The following GLB1L2 variants were observed in gnomAD, a reference collection of about 807,000 sequenced individuals.
The protein encoded by GLB1L2 is beta-galactosidase-1-like protein 2.
GLB1L2 carries 68 observed loss-of-function variants against 84.1 expected under a neutral mutation model. The observed-to-expected ratio is 0.81, with a 90% CI of 0.67 to 0.99. The LOEUF is 0.99. Ranked by LOEUF, GLB1L2 falls within the 50% of genes least tolerant of loss-of-function variation. The probability of loss-of-function intolerance (pLI) is 0.00; values close to 1 mark genes in which losing one functional copy is unlikely to be tolerated. For missense variants in GLB1L2, 762 were observed against 805.6 expected, an observed-to-expected ratio of 0.95 and a Z score of 0.66; for synonymous variants, 290 against 318.0, an observed-to-expected ratio of 0.91 and a Z score of 0.94.
At position 134,332,160 on chromosome 11, in the gene GLB1L2, T is replaced by C. The variant is rs1324502054; in HGVS notation, c.86+13T>C. The C allele has an allele frequency of 2.0e-6, 3 of 1,527,522 alleles. No individual in the cohort carries two copies. The highest frequency in any genetic ancestry group is 2.0e-5 in the Admixed American group (1 of 50,260). The allele number at this position is 1,527,522 out of a possible 1,614,324, so 94.6% of individuals were successfully genotyped here. A position where few individuals can be genotyped will look rare whatever the true frequency, so the allele number is the denominator to read the frequency against. On this transcript the variant is annotated intron_variant, in intron 1 of 18. Coordinates refer to ENST00000535456, the MANE Select transcript of GLB1L2 (RefSeq NM_001370461.1). ...TGGTGCTCCGCAGGTGAGAGAGAGC[T>C]TCGCGCAGCACCTGCCGGACCCCAC...
chr11:134,373,916 G>A (rs909072047), intron 16 of GLB1L2, 108 bp downstream of exon 16: 3 of 844,312 alleles, frequency 3.6e-6, no homozygotes, highest in South Asian at 3.2e-5. Context: ...AGGTGTGAAC[G>A]CCTCCAGGGG....
rs765187098 is a variant in GLB1L2, at chr11:134,332,012, G to T, written c.-50G>T. 7.5e-6 allele frequency: 10 copies of T among 1,328,024 alleles called. No individual in the cohort carries two copies. Among genetic ancestry groups the T allele is most frequent in the Non-Finnish European group, 1.0e-5 (10 of 970,074 alleles). The allele number at this position is 1,328,024 out of a possible 1,614,324, so 82.3% of individuals were successfully genotyped here. A position where few individuals can be genotyped will look rare whatever the true frequency, so the allele number is the denominator to read the frequency against. ...CGCGGCGAGGCTCCCGCGCGCGGCT[G>T]AGTGCGGACTGGAGTGGGAACCCGG... On this transcript the variant is annotated 5_prime_UTR_variant, in exon 1 of 19. Coordinates refer to ENST00000535456, the MANE Select transcript of GLB1L2 (RefSeq NM_001370461.1).
At chr11:134,373,178 GA>G (rs2136290969) in intron 15 of GLB1L2, among the ~76,000 whole-genome samples, 1 of 152,332 alleles carries the variant, frequency 6.6e-6, no homozygotes, top group African/African-American at 2.4e-5. Flanking sequence ...TCTGTAATCT[GA>G]GACTGGCAGG....
rs1028968798 is a variant in GLB1L2 at position 134,362,710 on chromosome 11, C to T, written c.734-1618C>T. ...CCCTCCCCTCCACCTGCCACACACG[C>T]CCACTCCCGCAGCAGCTCGGGCCCA... On this transcript the variant is annotated intron_variant, in intron 7 of 18. Transcript: ENST00000535456. 4.6e-5 allele frequency among the ~76,000 whole-genome samples: 7 copies of T among 152,352 alleles called. No homozygotes were observed. The South Asian group carries it at 1.0e-3, about 23-fold the overall frequency.
chr11:134,337,002 T>C (rs986661728), intron 1 of GLB1L2, among the ~76,000 whole-genome samples: 4 of 152,310 alleles, frequency 2.6e-5, no homozygotes, highest in Middle Eastern at 3.4e-3. Flanking sequence ...ATTGTTGTTA[T>C]ATGGTTGATT....
intron 5 of GLB1L2, among the ~76,000 whole-genome samples, chr11:134,354,535 G>GT (rs1013913334): frequency 3.3e-5 from 5 of 151,376 alleles, no homozygotes; most frequent in African/African-American, 9.7e-5. Context: ...AACTTTAGGT[G>GT]TTTTTTTTCT....
chr11:134,344,517 G>GT (rs1943517470), intron 3 of GLB1L2, 62 bp downstream of exon 3: 1 of 1,577,844 alleles, frequency 6.3e-7, no homozygotes, highest in East Asian at 2.2e-5. Flanking sequence ...GGCTACTGGG[G>GT]TGGATTAGCA....
chr11:134,357,199 G>A (rs1395033588), intron 6 of GLB1L2, among the ~76,000 whole-genome samples: 2 of 152,236 alleles, frequency 1.3e-5, no homozygotes, highest in Admixed American at 6.5e-5. Context: ...AAGGCCGGAC[G>A]GCTTTGGGCC....
At chr11:134,364,633 G>A in intron 8 of GLB1L2, 1 of 514,140 alleles carries the variant, frequency 1.9e-6, no homozygotes. Flanking sequence ...CTGAGAGAGG[G>A]GCCCTTTTGG....
rs1415303429 is a variant in GLB1L2 at position 134,370,673 on chromosome 11, C to T, written c.1215+274C>T. Among the ~76,000 whole-genome samples the T allele has an allele frequency of 6.6e-6, 1 of 152,062 alleles. No homozygotes were observed. Among genetic ancestry groups the T allele is most frequent in the East Asian group, 1.9e-4 (1 of 5,164 alleles). ...GAGGTCCCTGAGGAACAGCGGCTGG[C>T]CCCGTGGGCCTTTCCTTCCTCCAGC... On this transcript the variant is annotated intron_variant, in intron 12 of 18. Coordinates refer to ENST00000535456, the MANE Select transcript of GLB1L2 (RefSeq NM_001370461.1). This position sits in a 1 kb window ranked among gnomAD's most constrained non-coding sequence, Gnocchi z 4.7.
rs1457680606 is a variant in GLB1L2, at chr11:134,375,115, G to A, written c.*57G>A. 1 of 1,423,402 alleles carries A rather than the reference G, an allele frequency of 7.0e-7. No individual in the cohort carries two copies. The highest frequency in any genetic ancestry group is 2.3e-5 in the East Asian group (1 of 42,604). 88.2% of individuals were successfully genotyped at this position (1,423,402 alleles called of 1,614,324 possible). A position where few individuals can be genotyped will look rare whatever the true frequency, so the allele number is the denominator to read the frequency against. On this transcript the variant is annotated 3_prime_UTR_variant, in exon 19 of 19. Coordinates refer to ENST00000535456, the MANE Select transcript of GLB1L2 (RefSeq NM_001370461.1). ...GGAGACTGCCGCCTCCTCTTGACCT[G>A]AAGCCTGGTGGCTGCTGCCCCACCC... is the stretch of plus-strand genomic sequence containing the variant.
At position 134,367,289 on chromosome 11, in the gene GLB1L2, G is replaced by T; in HGVS notation, c.837G>T (p.Trp279Cys). 1 of 1,614,168 alleles carries T rather than the reference G, an allele frequency of 6.2e-7. No homozygotes were observed. The highest frequency in any genetic ancestry group is 1.1e-5 in the South Asian group (1 of 91,076). ...GTQPKMVMEY[W>C]TGWFDSWGGP... ...AGCCCAAGATGGTGATGGAGTACTGGACGGGGTGGTTTGACTCGTGGGGAG... is the reference window on the plus strand; with the variant it reads ...AGCCCAAGATGGTGATGGAGTACTGTACGGGGTGGTTTGACTCGTGGGGAG... The change falls in exon 9 of 19, where the codon TGG (tryptophan) becomes TGT (cysteine). Residue 279 changes from tryptophan (W) to cysteine (C), a missense_variant. This residue lies in a region of GLB1L2 where 603 missense variants were observed against 611.7 expected (regional missense o/e 0.99). Coordinates refer to ENST00000535456, the MANE Select transcript of GLB1L2 (RefSeq NM_001370461.1).
At chr11:134,374,108 G>C in intron 16 of GLB1L2, 37 bp from the exon 17 acceptor site, 2 of 1,462,976 alleles carry the variant, frequency 1.4e-6, no homozygotes, top group Non-Finnish European at 1.9e-6. Flanking sequence ...GATTGAGAAG[G>C]GCCTCCTCCC....
Position 134,375,198 on chromosome 11 carries a change from C to T in GLB1L2, c.*140C>T. Reference sequence around the variant, plus strand: ...CTCAGGGACTGGGGGCTACAGTCTGCCCCTGTCTCAGCTCAAAACCCTAAG... The same window carrying T: ...CTCAGGGACTGGGGGCTACAGTCTGTCCCTGTCTCAGCTCAAAACCCTAAG... On this transcript the variant is annotated 3_prime_UTR_variant, in exon 19 of 19. Transcript: ENST00000535456. 3.1e-6 allele frequency: 2 copies of T among 649,944 alleles called. No individual in the cohort carries two copies. Among genetic ancestry groups the T allele is most frequent in the East Asian group, 2.8e-5 (1 of 35,640 alleles). 40.3% of individuals were successfully genotyped at this position (649,944 alleles called of 1,614,324 possible).
At chr11:134,351,023 T>C (rs1943623110) in intron 5 of GLB1L2, among the ~76,000 whole-genome samples, 1 of 152,258 alleles carries the variant, frequency 6.6e-6, no homozygotes, top group Admixed American at 6.5e-5. Flanking sequence ...CCTTTATTTT[T>C]TTCTTGACTA....
chr11:134,332,676 C>T (rs1943320208), intron 1 of GLB1L2, among the ~76,000 whole-genome samples: 1 of 152,200 alleles, frequency 6.6e-6, no homozygotes. Context: ...AGATCCCGGG[C>T]CATGATTTAT....
At chr11:134,358,409 G>A (rs1192782911) in intron 6 of GLB1L2, among the ~76,000 whole-genome samples, 1 of 152,276 alleles carries the variant, frequency 6.6e-6, no homozygotes, top group Non-Finnish European at 1.5e-5. Flanking sequence ...TGGCGTGGCA[G>A]TGACTGCTCT....
chr11:134,342,953 T>A lies in GLB1L2; in HGVS notation c.284+2T>A. On this transcript the variant is annotated splice_donor_variant, in intron 2 of 18. Coordinates refer to ENST00000535456, the MANE Select transcript of GLB1L2 (RefSeq NM_001370461.1). LOFTEE classifies it high-confidence loss of function. ...CTGTGGCTTGAACACCCTCACCACG[T>A]AGGTGCTGCCCCTGTCCCCCCGGAG... 1 of 1,608,692 alleles carries A rather than the reference T, an allele frequency of 6.2e-7. No homozygotes were observed. The highest frequency in any genetic ancestry group is 8.5e-7 in the Non-Finnish European group (1 of 1,176,450).
At chr11:134,348,917 C>T (rs888178651) in intron 5 of GLB1L2, among the ~76,000 whole-genome samples, 1 of 152,198 alleles carries the variant, frequency 6.6e-6, no homozygotes, top group Non-Finnish European at 1.5e-5. Context: ...CTTATAAGAG[C>T]ACTAGCCCTG....
Sources: allele counts gnomAD v4.1 joint callset (sites outside exome capture counted in the v4.1 genomes callset), GRCh38; gene constraint gnomAD v4.1.1; regional missense constraint gnomAD v4.1.1; non-coding constraint Gnocchi (gnomAD v3.1); transcripts MANE v1.5; gene names NCBI Gene and HGNC (gene_info 2026-07-23, HGNC 2026-07-21).